Variants in GABRA3 observed in about 807,000 individuals in gnomAD.
GABRA3 encodes the protein gamma-aminobutyric acid receptor subunit alpha-3.
Under a neutral mutation model 30.1 loss-of-function variants are expected in GABRA3, and 10 were observed. The observed-to-expected ratio is 0.33, with a 90% CI of 0.20 to 0.56. GABRA3 has a LOEUF of 0.56. Among genes scored for constraint, GABRA3 ranks in the 20% least tolerant of loss-of-function variants. GABRA3 has a pLI of 0.89. For synonymous variants in GABRA3, 151 were observed against 146.8 expected (o/e 1.03, Z -0.21); for missense variants, 233 against 392.0 (o/e 0.59, Z 3.42).
At chrX:152,312,854 C>T (rs1245570068) in intron 3 of GABRA3, among the ~76,000 whole-genome samples, 1 of 111,829 alleles carries the variant, frequency 8.9e-6, no homozygotes, top group Admixed American at 9.5e-5. Flanking sequence ...AGAAAACATA[C>T]ATGCAACCAA....
chrX:152,177,357 A>C (rs1049137631), intron 9 of GABRA3, among the ~76,000 whole-genome samples: 1 of 111,584 alleles, frequency 9.0e-6, no homozygotes, highest in African/African-American at 3.3e-5. Context: ...AAAAAACCAC[A>C]GAAGAGGATA....
At chrX:152,282,878 T>C in intron 4 of GABRA3, among the ~76,000 whole-genome samples, 1 of 112,170 alleles carries the variant, frequency 8.9e-6, no homozygotes, top group Non-Finnish European at 1.9e-5. Context: ...TTTGTCTGAA[T>C]GTTATTTATG....
At chrX:152,376,430 CTTTT>C (rs1928999756) in intron 1 of GABRA3, among the ~76,000 whole-genome samples, 1 of 110,905 alleles carries the variant, frequency 9.0e-6, no homozygotes, top group Admixed American at 9.6e-5. Context: ...CTTACTTTTT[CTTTT>C]TGTTTCAGAA....
intron 1 of GABRA3, among the ~76,000 whole-genome samples, chrX:152,448,923 C>T (rs1354719780): frequency 1.5e-4 from 17 of 111,127 alleles, no homozygotes; most frequent in Non-Finnish European, 3.8e-5. Flanking sequence ...AGATAGCAAG[C>T]TCATCCAAGG....
chrX:152,293,556 C>T (rs1458983989), intron 3 of GABRA3, among the ~76,000 whole-genome samples: 1 of 111,151 alleles, frequency 9.0e-6, no homozygotes, highest in Non-Finnish European at 1.9e-5. Flanking sequence ...AGTCCATTTA[C>T]AATTAAGGTT....
chrX:152,203,756 C>G (rs1294192666), intron 7 of GABRA3, among the ~76,000 whole-genome samples: 2 of 111,782 alleles, frequency 1.8e-5, no homozygotes, highest in Non-Finnish European at 3.8e-5. Context: ...ATCTTCTACT[C>G]ATTTTCTTTT....
At chrX:152,220,185 T>C (rs1937805743) in intron 6 of GABRA3, among the ~76,000 whole-genome samples, 1 of 111,886 alleles carries the variant, frequency 8.9e-6, no homozygotes, top group Non-Finnish European at 1.9e-5. Flanking sequence ...TCCAACTTCT[T>C]GTTCCTGAAT....
At chrX:152,386,546 A>G (rs1383834861) in intron 1 of GABRA3, among the ~76,000 whole-genome samples, 1 of 109,957 alleles carries the variant, frequency 9.1e-6, no homozygotes, top group Admixed American at 9.8e-5. Flanking sequence ...ACATGAAAAA[A>G]TGCTCACCAT....
chrX:152,177,587 A>G (rs1017984071), intron 9 of GABRA3, among the ~76,000 whole-genome samples: 3 of 111,406 alleles, frequency 2.7e-5, no homozygotes, highest in African/African-American at 9.8e-5. Flanking sequence ...AAAATACAAA[A>G]AACAAAAACA....
At chrX:152,281,810 A>G (rs963117809) in intron 4 of GABRA3, among the ~76,000 whole-genome samples, 6 of 112,433 alleles carry the variant, frequency 5.3e-5, no homozygotes, top group African/African-American at 1.9e-4. Flanking sequence ...GACCTCTGTC[A>G]GGTTCTGTGC....
At chrX:152,414,897 T>C (rs1193932398) in intron 1 of GABRA3, among the ~76,000 whole-genome samples, 4 of 106,999 alleles carry the variant, frequency 3.7e-5, no homozygotes, top group Non-Finnish European at 7.7e-5. Flanking sequence ...TAAATGTATA[T>C]TGCTAAGTGA....
intron 5 of GABRA3, among the ~76,000 whole-genome samples, chrX:152,227,794 G>A (rs1440272956): frequency 9.1e-6 from 1 of 110,150 alleles, no homozygotes; most frequent in African/African-American, 3.3e-5. Context: ...AATTCATGGT[G>A]TTAAAGTGAG....
intron 8 of GABRA3, 30 bp from the exon 9 acceptor site, chrX:152,189,971 C>T: frequency 9.7e-7 from 1 of 1,029,278 alleles, no homozygotes; most frequent in Non-Finnish European, 1.3e-6. Flanking sequence ...GAACCAGTTG[C>T]AACTGGAAGA....
chrX:152,383,153 G>A (rs772962164), intron 1 of GABRA3, among the ~76,000 whole-genome samples: 8 of 109,092 alleles, frequency 7.3e-5, no homozygotes, highest in Admixed American at 4.0e-4. Flanking sequence ...TTGGGAGGCC[G>A]AGGCAGGCAG....
chrX:152,408,799 G>A (rs1170110306), intron 1 of GABRA3, among the ~76,000 whole-genome samples: 3 of 108,590 alleles, frequency 2.8e-5, no homozygotes, highest in African/African-American at 1.0e-4. Context: ...TGGAGAAATC[G>A]TATTACCTGA....
At chrX:152,226,995 CT>C (rs2124383731) in intron 5 of GABRA3, among the ~76,000 whole-genome samples, 1 of 110,896 alleles carries the variant, frequency 9.0e-6, no homozygotes, top group African/African-American at 3.3e-5. Context: ...GGATCTAGAA[CT>C]AGAAATACCA....
chrX:152,300,341 A>G (rs1203036112), intron 3 of GABRA3, among the ~76,000 whole-genome samples: 1 of 111,766 alleles, frequency 8.9e-6, no homozygotes, highest in East Asian at 2.8e-4. Flanking sequence ...GATGTAGACT[A>G]TCACCCACAG....
intron 4 of GABRA3, among the ~76,000 whole-genome samples, chrX:152,271,665 T>C (rs1569376706): frequency 8.9e-6 from 1 of 112,104 alleles, no homozygotes; most frequent in African/African-American, 3.2e-5. Flanking sequence ...ATGGGGAAAA[T>C]ATTTCCGGGG....
intron 3 of GABRA3, among the ~76,000 whole-genome samples, chrX:152,291,615 T>C (rs1404961221): frequency 8.9e-6 from 1 of 111,816 alleles, no homozygotes; most frequent in African/African-American, 3.3e-5. Context: ...TGCTTCCAGT[T>C]TGTGCCCATT....
Sources: allele counts gnomAD v4.1 joint callset (sites outside exome capture counted in the v4.1 genomes callset), GRCh38; gene constraint gnomAD v4.1.1; transcripts MANE v1.5; gene names NCBI Gene and HGNC (gene_info 2026-07-23, HGNC 2026-07-21).